NXF1: variants seen among roughly 807,000 people sequenced by gnomAD.
NXF1 encodes the protein mRNA export factor TAP.
A neutral mutation model predicts 92.4 loss-of-function variants in NXF1; 43 were observed. The observed-to-expected ratio is 0.47, with a 90% CI of 0.36 to 0.60. The LOEUF (loss-of-function observed/expected upper bound fraction) is 0.60, where lower values mean the gene tolerates loss of function less well. Among genes scored for constraint, NXF1 ranks in the 20% least tolerant of loss-of-function variants. The probability of loss-of-function intolerance (pLI) is 0.00; values close to 1 mark genes in which losing one functional copy is unlikely to be tolerated. For synonymous variants in NXF1, 288 were observed against 292.2 expected (o/e 0.99, Z 0.15); for missense variants, 576 against 793.0 (o/e 0.73, Z 3.29).
At chr11:62,805,302 G>A (rs758181879) in intron 1 of NXF1, 27 bp downstream of exon 1, 22 of 1,599,276 alleles carry the variant, frequency 1.4e-5, no homozygotes, top group Non-Finnish European at 1.8e-5. Flanking sequence ...CAGATAGCCA[G>A]TTCCCGACCC....
rs2084476939 is a variant in NXF1 at position 62,801,382 on chromosome 11, G to A, written c.745C>T (p.Arg249Cys). 2 of 1,614,108 alleles carry A rather than the reference G, an allele frequency of 1.2e-6. No homozygotes were observed. The highest frequency in any genetic ancestry group is 1.7e-6 in the Non-Finnish European group (2 of 1,180,002). Residue 249 changes from arginine (R) to cysteine (C), a missense_variant, in exon 8 of 21, where the codon CGC becomes TGC. By Grantham distance (180) the Arg-to-Cys change is radical. Transcript: ENST00000294172. ...VAQNIDVVLNRRSCMAATLRI... is the reference protein window; with the variant it reads ...VAQNIDVVLNCRSCMAATLRI... ...AGGGTAGCTGCCATACAGCTTCTGC[G>A]ATTCAGGACAACGTCAATGTTCTGG...
Position 62,792,149 on chromosome 11 carries a change from T to TA in NXF1, c.*326_*327insT. ...ACGAAATACAACATCACTCTTTATA[T>TA]TAAAAAGTGCAGAACACGAAATACA... is the stretch of plus-strand genomic sequence containing the variant. On this transcript the variant is annotated 3_prime_UTR_variant, in exon 21 of 21. Transcript: ENST00000294172. 1 of 681,320 alleles carries TA rather than the reference T, an allele frequency of 1.5e-6. No individual in the cohort carries two copies. The highest frequency in any genetic ancestry group is 2.4e-6 in the Non-Finnish European group (1 of 412,346). The allele number at this position is 681,320 out of a possible 1,614,324, so 42.2% of individuals were successfully genotyped here.
intron 13 of NXF1, 120 bp from the exon 14 acceptor site, chr11:62,796,687 T>C: frequency 1.5e-6 from 1 of 680,372 alleles, no homozygotes. Context: ...ATCCCAGCAC[T>C]TTGGGAGGCT....
chr11:62,804,014 G>GT, intron 1 of NXF1, 36 bp from the exon 2 acceptor site: 1 of 1,606,022 alleles, frequency 6.2e-7, no homozygotes, highest in Non-Finnish European at 8.5e-7. Flanking sequence ...TTAGAAGTAA[G>GT]TAACTGGTCC....
rs749694288 is a variant in NXF1 at position 62,796,272 on chromosome 11, G to A, written c.1345+15C>T. The A allele has an allele frequency of 1.4e-5, 22 of 1,613,718 alleles. No individual in the cohort carries two copies. Among genetic ancestry groups the A allele is most frequent in the East Asian group, 6.7e-5 (3 of 44,904 alleles). On this transcript the variant is annotated intron_variant, in intron 15 of 20. Transcript: ENST00000294172. ...CATGCCCTTTTCCCATATTTTGTTC[G>A]TATCACACACTTACTAGGGTCTTTA...
At chr11:62,798,961 G>T (rs964707190) in intron 10 of NXF1, 15 of 1,039,656 alleles carry the variant, frequency 1.4e-5, no homozygotes, top group African/African-American at 8.5e-5. Flanking sequence ...GTATCCATCA[G>T]TTCTGCCAGG....
chr11:62,801,635 G>C lies in NXF1; in HGVS notation c.640-4C>G, dbSNP rs1590954084. The C allele has an allele frequency of 6.2e-7, 1 of 1,602,948 alleles. No homozygotes were observed. Among genetic ancestry groups the C allele is most frequent in the Non-Finnish European group, 8.5e-7 (1 of 1,173,016 alleles). On this transcript the variant is annotated splice_polypyrimidine_tract_variant and splice_region_variant and intron_variant, in intron 6 of 20. Transcript: ENST00000294172. ...CGTATCGTTTGCTCATGATCAGCTA[G>C]AGGAAAAAGAAGGGTTTAGTGGTCA... is the stretch of plus-strand genomic sequence containing the variant.
Position 62,792,482 on chromosome 11 carries a change from C to G in NXF1, c.1854G>C (p.Met618Ile). 2 of 1,614,230 alleles carry G rather than the reference C, an allele frequency of 1.2e-6. No homozygotes were observed. Among genetic ancestry groups the G allele is most frequent in the Non-Finnish European group, 1.7e-6 (2 of 1,180,038 alleles). The change falls in exon 21 of 21, where the codon ATG becomes ATC. Residue 618 changes from methionine to isoleucine, a missense_variant. Met to Ile is a conservative substitution (Grantham distance 10, BLOSUM62 1). This residue lies in a region of NXF1 where 425 missense variants were observed against 635.2 expected (regional missense o/e 0.67). Transcript: ENST00000294172. ...TTCTGAGGCATGACTACGATCACTT[C>G]ATGAATGCCACTTCTGGGATCTCGC... The part of the protein sequence containing the change: ...AKGEIPEVAF[M>I]K
intron 3 of NXF1, 61 bp from the exon 4 acceptor site, chr11:62,802,321 T>C (rs1590954711): frequency 1.2e-5 from 16 of 1,385,922 alleles, no homozygotes; most frequent in Non-Finnish European, 1.6e-5. Flanking sequence ...GCAGACCCAA[T>C]ACAATGCCTT....
At chr11:62,796,920 A>G (rs1468711260) in intron 13 of NXF1, 1 of 557,254 alleles carries the variant, frequency 1.8e-6, no homozygotes, top group South Asian at 2.1e-5. Context: ...TACAAAAATT[A>G]GCCAGGTGCA....
At chr11:62,798,864 T>C (rs1335678162) in intron 10 of NXF1, 2 of 1,232,236 alleles carry the variant, frequency 1.6e-6, no homozygotes, top group Non-Finnish European at 2.0e-6. Flanking sequence ...TTCCCCTCCC[T>C]GCCCCCCTTA....
intron 10 of NXF1, chr11:62,799,351 T>C: frequency 4.1e-6 from 4 of 985,800 alleles, no homozygotes; most frequent in Non-Finnish European, 4.8e-6. Flanking sequence ...GCCAGGTCTC[T>C]GTCTGCTACC....
chr11:62,804,317 C>G, intron 1 of NXF1: 1 of 777,818 alleles, frequency 1.3e-6, no homozygotes, highest in South Asian at 1.7e-5. Flanking sequence ...AGTACTTTGT[C>G]TATACAGTGC....
At position 62,804,028 on chromosome 11, in the gene NXF1, T is replaced by A. The variant is rs771929912; in HGVS notation, c.29-50A>T. 3.1e-6 allele frequency: 5 copies of A among 1,602,590 alleles called. No individual in the cohort carries two copies. In the Middle Eastern group the frequency reaches 6.6e-4, roughly 212 times the overall value. On this transcript the variant is annotated intron_variant, in intron 1 of 20. Transcript: ENST00000294172. ...ATTAGAAGTAAGTAACTGGTCCGGT[T>A]TGGTGTGGCAATCATAGCTTCTAGT...
In NXF1 at chr11:62,801,526, C is replaced by T. The variant is rs758712000; in HGVS notation, c.709+36G>A. On this transcript the variant is annotated intron_variant, in intron 7 of 20. Coordinates refer to ENST00000294172, the MANE Select transcript of NXF1 (RefSeq NM_006362.5). ...CCCTCCCTGACAGATCCCACCTTAT[C>T]ACCACCTATCTGAGAACTACTGCTG... 12 of 1,611,614 alleles carry T rather than the reference C, an allele frequency of 7.4e-6. No individual in the cohort carries two copies. In the East Asian group the frequency reaches 2.7e-4, roughly 36 times the overall value.
chr11:62,798,904 G>A (rs889181632), intron 10 of NXF1: 3 of 1,127,018 alleles, frequency 2.7e-6, no homozygotes, highest in Admixed American at 4.6e-5. Context: ...TGCAGCCCCG[G>A]GAGGAGGGAA....
Position 62,797,167 on chromosome 11 carries a change from AC to A in NXF1, c.1178+15del. ...CTCAACCTCGGGGTGGGGAGGGGGGACCCTGGGATACTTACTGTTGCAGGAA... is the reference window on the plus strand; with the variant it reads ...CTCAACCTCGGGGTGGGGAGGGGGGACCTGGGATACTTACTGTTGCAGGAA... On this transcript the variant is annotated intron_variant, in intron 13 of 20. Transcript: ENST00000294172. 6.2e-7 allele frequency: 1 copy of A among 1,612,188 alleles called. No homozygotes were observed. The highest frequency in any genetic ancestry group is 1.1e-5 in the South Asian group (1 of 90,992).
chr11:62,801,695 G>T (rs1221481369), intron 6 of NXF1, 44 bp downstream of exon 6: 2 of 1,606,422 alleles, frequency 1.2e-6, no homozygotes, highest in African/African-American at 2.7e-5. Context: ...GGTGTGAGAA[G>T]TAGTAAGACT....
Position 62,797,348 on chromosome 11 carries a change from A to G in NXF1, c.1092T>C (p.Val364=). 1 of 1,614,000 alleles carries G rather than the reference A, an allele frequency of 6.2e-7. No individual in the cohort carries two copies. Among genetic ancestry groups the G allele is most frequent in the African/African-American group, 1.3e-5 (1 of 75,034 alleles). The change falls in exon 12 of 21, where the codon GTT becomes GTC. Residue 364 remains valine (V), a synonymous_variant. Coordinates refer to ENST00000294172, the MANE Select transcript of NXF1 (RefSeq NM_006362.5). ...AGGGCGGTAACGTCGTGGGGGCTTC[A>G]ACATCAAAGGCAATTGGTGGGGGTA... ...HELPPPIAFD[V]EAPTTLPPCK...
Sources: allele counts gnomAD v4.1 joint callset, GRCh38; gene constraint gnomAD v4.1.1; regional missense constraint gnomAD v4.1.1; transcripts MANE v1.5; gene names NCBI Gene and HGNC (gene_info 2026-07-23, HGNC 2026-07-21).